Variants in DNM3 observed in about 807,000 individuals in gnomAD.
DNM3 encodes the protein dynamin 3.
In DNM3, 47 loss-of-function variants were observed where a neutral mutation model predicts 101.6. The observed-to-expected ratio is 0.46, with a 90% CI of 0.37 to 0.59. DNM3 has a LOEUF of 0.59. DNM3 is among the 20% of genes least tolerant of loss of function. The probability of loss-of-function intolerance (pLI) is 0.00; values close to 1 mark genes in which losing one functional copy is unlikely to be tolerated. For missense variants in DNM3, 849 were observed against 1,085.7 expected (o/e 0.78, Z 3.06); for synonymous variants, 385 against 387.9 (o/e 0.99, Z 0.09).
intron 15 of DNM3, among the ~76,000 whole-genome samples, chr1:172,261,919 G>A (rs2062670052): frequency 6.6e-6 from 1 of 152,200 alleles, no homozygotes; most frequent in Non-Finnish European, 1.5e-5. Context: ...CCCCTGGAAG[G>A]TGTGTATAAG....
intron 2 of DNM3, among the ~76,000 whole-genome samples, chr1:171,931,907 T>A (rs964408131): frequency 1.3e-5 from 2 of 152,198 alleles, no homozygotes; most frequent in Non-Finnish European, 2.9e-5. Flanking sequence ...ACCAGTAGAT[T>A]TACTAGGGAA....
chr1:172,408,305 A>T lies in DNM3; in HGVS notation c.*464A>T, dbSNP rs2149131234. The T allele has an allele frequency of 1.0e-6, 1 of 986,820 alleles. No homozygotes were observed. The highest frequency in any genetic ancestry group is 4.7e-5 in the South Asian group (1 of 21,388). The allele number at this position is 986,820 out of a possible 1,614,324, so 61.1% of individuals were successfully genotyped here. ...CATTAATGCTACTACCTACTCCATA[A>T]TTGCCTATTTAGCTCCTCTTTTCTT... On this transcript the variant is annotated 3_prime_UTR_variant, in exon 21 of 21. Coordinates refer to ENST00000627582, the MANE Select transcript of DNM3 (RefSeq NM_015569.5).
chr1:172,247,352 ATATGAG>A (rs1429435403), intron 14 of DNM3, among the ~76,000 whole-genome samples: 2 of 152,192 alleles, frequency 1.3e-5, no homozygotes, highest in African/African-American at 4.8e-5. Flanking sequence ...ATGGAATGTT[ATATGAG>A]TATAAGAAGG....
At chr1:172,387,013 G>A (rs1298934438) in intron 18 of DNM3, 120 bp from the exon 19 acceptor site, 1 of 787,712 alleles carries the variant, frequency 1.3e-6, no homozygotes, top group Non-Finnish European at 2.1e-6. Context: ...ACTTTTCCCA[G>A]GGTGGACTTT....
At chr1:171,956,991 C>A (rs928698144) in intron 2 of DNM3, among the ~76,000 whole-genome samples, 1 of 152,042 alleles carries the variant, frequency 6.6e-6, no homozygotes, top group African/African-American at 2.4e-5. Flanking sequence ...GCAGGGGGAT[C>A]CTGGGCCCAC....
chr1:171,999,161 T>C (rs1460310619), intron 4 of DNM3, among the ~76,000 whole-genome samples: 2 of 152,038 alleles, frequency 1.3e-5, no homozygotes, highest in Non-Finnish European at 2.9e-5. Flanking sequence ...GGAGACCAGT[T>C]AGGTTATTCT....
intron 2 of DNM3, among the ~76,000 whole-genome samples, chr1:171,955,090 T>C (rs2125471722): frequency 6.6e-6 from 1 of 152,204 alleles, no homozygotes; most frequent in East Asian, 1.9e-4. Context: ...AGCAACCTTC[T>C]ACCTTGTAGT....
chr1:171,991,292 C>A (rs2045614046), intron 4 of DNM3, among the ~76,000 whole-genome samples: 2 of 152,004 alleles, frequency 1.3e-5, no homozygotes, highest in Non-Finnish European at 2.9e-5. Context: ...GGGTTCAGTC[C>A]CACAAGATGA....
intron 1 of DNM3, among the ~76,000 whole-genome samples, chr1:171,850,664 AG>A (rs2032826691): frequency 6.6e-6 from 1 of 152,160 alleles, no homozygotes. Flanking sequence ...AAGAAACTTT[AG>A]CCTGTTTATT....
chr1:171,882,343 C>CAAAA (rs3051601), intron 1 of DNM3, among the ~76,000 whole-genome samples: 40,859 of 109,466 alleles, frequency 0.37, 8,328 homozygotes, highest in Non-Finnish European at 0.41. Context: ...AACTCCGTCT[C>CAAAA]AAAAAAAAAA....
chr1:172,154,286 C>G (rs1162474836), intron 14 of DNM3, among the ~76,000 whole-genome samples: 1 of 140,242 alleles, frequency 7.1e-6, no homozygotes, highest in Admixed American at 7.3e-5. Context: ...AATCACCTTC[C>G]TAGTTTACAT....
intron 1 of DNM3, among the ~76,000 whole-genome samples, chr1:171,854,491 AT>A (rs2033357174): frequency 6.6e-6 from 1 of 151,826 alleles, no homozygotes; most frequent in African/African-American, 2.4e-5. Flanking sequence ...GAAAAGAGCA[AT>A]TTTTCCTTTT....
chr1:172,144,605 G>T (rs2057777295), intron 14 of DNM3: 2 of 533,566 alleles, frequency 3.7e-6, no homozygotes, highest in Non-Finnish European at 7.7e-6. Context: ...CAGGTAGTCT[G>T]AACACTGGGG....
At chr1:172,418,196 T>C in intron 20 of DNM3, 1 of 1,138,080 alleles carries the variant, frequency 8.8e-7, no homozygotes, top group South Asian at 1.4e-5. Context: ...TTTGGGTTTA[T>C]TTTATAATTT....
rs2054861230 is a variant in DNM3, at chr1:172,104,360, G to T, written c.1545+11485G>T. 2.0e-5 allele frequency among the ~76,000 whole-genome samples: 3 copies of T among 151,596 alleles called. No individual in the cohort carries two copies. The East Asian group carries it at 5.8e-4, about 29-fold the overall frequency. ...TAGCTATTTAAATTTTTGTTTGTTT[G>T]TTTGATAATCATATACTTCTGTCTT... On this transcript the variant is annotated intron_variant, in intron 13 of 20. Coordinates refer to ENST00000627582, the MANE Select transcript of DNM3 (RefSeq NM_015569.5).
At chr1:171,966,527 A>G (rs2043599095) in intron 2 of DNM3, among the ~76,000 whole-genome samples, 2 of 152,256 alleles carry the variant, frequency 1.3e-5, no homozygotes, top group East Asian at 3.8e-4. Context: ...TATTAGCAAT[A>G]GCAGTTTGCA....
In DNM3 at chr1:171,989,111, A is replaced by G. The variant is rs1238081514; in HGVS notation, c.552A>G (p.Ser184=). Residue 184 remains serine, a synonymous_variant, in exon 4 of 21, where the codon TCA becomes TCG. Transcript: ENST00000627582. ...CAGCCAACACTGATCTTGCAAACTCAGATGCGCTGAAGCTAGCTAAAGAAG... is the reference window on the plus strand; with the variant it reads ...CAGCCAACACTGATCTTGCAAACTCGGATGCGCTGAAGCTAGCTAAAGAAG... ...VTPANTDLAN[S]DALKLAKEVD... The G allele has an allele frequency of 6.8e-6, 11 of 1,612,992 alleles. No individual in the cohort carries two copies. Among genetic ancestry groups the G allele is most frequent in the African/African-American group, 1.3e-5 (1 of 74,914 alleles).
intron 20 of DNM3, among the ~76,000 whole-genome samples, chr1:172,396,062 G>GTGACTGCTTT (rs1249196564): frequency 6.6e-6 from 1 of 152,212 alleles, no homozygotes; most frequent in Non-Finnish European, 1.5e-5. Context: ...TTTTTGCCCT[G>GTGACTGCTTT]TGACTGCTTT....
intron 2 of DNM3, among the ~76,000 whole-genome samples, chr1:171,971,332 C>T (rs1031683451): frequency 3.3e-5 from 5 of 151,990 alleles, no homozygotes; most frequent in Non-Finnish European, 7.4e-5. Flanking sequence ...TTCTATAAAT[C>T]CTTTACAGAT....
Sources: gnomAD v4.1 joint callset for allele counts (sites outside exome capture counted in the v4.1 genomes callset) on GRCh38, gnomAD v4.1.1 for gene constraint, MANE v1.5 for transcripts, NCBI Gene and HGNC (gene_info 2026-07-23, HGNC 2026-07-21) for gene names.